Variants in TAS2R1 observed in about 807,000 individuals in gnomAD.
TAS2R1 encodes taste 2 receptor member 1, also known as taste receptor type 2 member 1.
For missense variants in TAS2R1, 370 were observed against 353.4 expected (o/e 1.05, Z -0.38); for synonymous variants, 141 against 134.2 (o/e 1.05, Z -0.35).
upstream of TAS2R1, among the ~76,000 whole-genome samples, chr5:9,632,518 T>G (rs1368791140): frequency 6.6e-6 from 1 of 152,200 alleles, no homozygotes; most frequent in Non-Finnish European, 1.5e-5. Flanking sequence ...TGACAGCATT[T>G]TACCCCCAGT....
intron 1 of TAS2R1, among the ~76,000 whole-genome samples, chr5:9,689,623 T>G (rs1179191576): frequency 6.6e-6 from 1 of 152,176 alleles, no homozygotes; most frequent in African/African-American, 2.4e-5. Flanking sequence ...TGTAATACAT[T>G]TTTCAGGCTT....
the TAS2R1 span, among the ~76,000 whole-genome samples, chr5:9,819,544 G>C: frequency 6.6e-6 from 1 of 152,214 alleles, no homozygotes; most frequent in South Asian, 2.1e-4. Flanking sequence ...AATAGGTTTA[G>C]AGTTTAGTGC....
chr5:9,858,866 A>C, the TAS2R1 span, among the ~76,000 whole-genome samples: 1 of 152,252 alleles, frequency 6.6e-6, no homozygotes, highest in Admixed American at 6.5e-5. Context: ...TTTGCAAAAG[A>C]AAATGTCTCC....
the TAS2R1 span, among the ~76,000 whole-genome samples, chr5:9,718,234 GT>G: frequency 6.6e-6 from 1 of 151,820 alleles, no homozygotes; most frequent in Non-Finnish European, 1.5e-5. Flanking sequence ...CTCCCAAAGT[GT>G]TGGGATTACA....
chr5:9,765,439 T>G, the TAS2R1 span: 8 of 151,766 alleles, frequency 5.3e-5, no homozygotes, highest in East Asian at 9.7e-4. Context: ...AAATTAGGTA[T>G]GAATAAATGC....
At chr5:9,765,630 A>C in the TAS2R1 span, 2 of 152,128 alleles carry the variant, frequency 1.3e-5, no homozygotes, top group Non-Finnish European at 2.9e-5. Context: ...CTTCCAGTGC[A>C]GTTTGGGACT....
the TAS2R1 span, among the ~76,000 whole-genome samples, chr5:9,864,942 C>A: frequency 7.2e-5 from 11 of 152,142 alleles, no homozygotes; most frequent in Non-Finnish European, 1.2e-4. Flanking sequence ...AGGCCACCAG[C>A]AAGTGGTGGT....
At chr5:9,769,645 G>T in the TAS2R1 span, among the ~76,000 whole-genome samples, 201 of 152,226 alleles carry the variant, frequency 1.3e-3, 1 homozygote, top group Non-Finnish European at 2.3e-3. Flanking sequence ...GTTTTGATTT[G>T]CAGTTCTCTG....
chr5:9,730,809 T>G, the TAS2R1 span, among the ~76,000 whole-genome samples: 1 of 152,234 alleles, frequency 6.6e-6, no homozygotes, highest in South Asian at 2.1e-4. Flanking sequence ...CATGGGGCAG[T>G]TCCCCCATAC....
chr5:9,747,258 G>A, the TAS2R1 span, among the ~76,000 whole-genome samples: 1 of 152,138 alleles, frequency 6.6e-6, no homozygotes, highest in Non-Finnish European at 1.5e-5. Context: ...GACAGAGATA[G>A]GCCTGAAGGG....
the TAS2R1 span, among the ~76,000 whole-genome samples, chr5:9,752,671 G>C: frequency 6.6e-6 from 1 of 151,980 alleles, no homozygotes; most frequent in Non-Finnish European, 1.5e-5. Flanking sequence ...TTAACATTAG[G>C]TATATCTCCT....
chr5:9,875,603 G>A, the TAS2R1 span, among the ~76,000 whole-genome samples: 2 of 152,192 alleles, frequency 1.3e-5, no homozygotes, highest in Non-Finnish European at 2.9e-5. Flanking sequence ...AGGGAGAAGG[G>A]AGATCTGGTG....
At chr5:9,755,920 T>C in the TAS2R1 span, among the ~76,000 whole-genome samples, 1 of 152,196 alleles carries the variant, frequency 6.6e-6, no homozygotes, top group East Asian at 1.9e-4. Flanking sequence ...TTAGCCAGCT[T>C]CTTTACTGCA....
chr5:9,738,068 G>T, the TAS2R1 span, among the ~76,000 whole-genome samples: 6 of 152,294 alleles, frequency 3.9e-5, no homozygotes, highest in South Asian at 1.2e-3. Context: ...CCTCATACTT[G>T]TCGTTAAAAG....
the TAS2R1 span, among the ~76,000 whole-genome samples, chr5:9,728,826 C>G: frequency 2.2e-4 from 33 of 152,148 alleles, no homozygotes; most frequent in Non-Finnish European, 4.4e-4. Flanking sequence ...ACCAGTGGCT[C>G]CTTGGGACCC....
At chr5:9,651,134 T>A (rs1376585267) in intron 2 of TAS2R1, among the ~76,000 whole-genome samples, 1 of 152,142 alleles carries the variant, frequency 6.6e-6, no homozygotes, top group East Asian at 1.9e-4. Flanking sequence ...GTGGAGAAAT[T>A]CCAAATGGAA....
chr5:9,678,622 T>C (rs1310547222), intron 1 of TAS2R1, among the ~76,000 whole-genome samples: 1 of 152,182 alleles, frequency 6.6e-6, no homozygotes, highest in African/African-American at 2.4e-5. Context: ...TGAGATTATG[T>C]CCTTTGCAGG....
the TAS2R1 span, chr5:9,854,470 G>A: frequency 1.3e-5 from 2 of 152,108 alleles, no homozygotes; most frequent in African/African-American, 4.8e-5. Context: ...TTCCATAACA[G>A]TCTGTAGCGT....
chr5:9,660,225 A>ATT (rs35208333), intron 1 of TAS2R1, among the ~76,000 whole-genome samples: 54 of 88,822 alleles, frequency 6.1e-4, no homozygotes, highest in East Asian at 4.3e-3. Context: ...CTCCCGGCTA[A>ATT]TTTTTTTTTT....
Sources: gnomAD v4.1 joint callset for allele counts (sites outside exome capture counted in the v4.1 genomes callset) on GRCh38, gnomAD v4.1.1 for gene constraint, MANE v1.5 for transcripts, NCBI Gene and HGNC (gene_info 2026-07-23, HGNC 2026-07-21) for gene names.